ATRNL1: variants seen among roughly 807,000 people sequenced by gnomAD.
ATRNL1 encodes attractin-like protein 1.
A neutral mutation model predicts 182.7 loss-of-function variants in ATRNL1; 95 were observed. That is an observed-to-expected ratio of 0.52 (90% CI 0.44 to 0.62). The LOEUF (loss-of-function observed/expected upper bound fraction) is 0.62, where lower values mean the gene tolerates loss of function less well. Among genes scored for constraint, ATRNL1 ranks in the 20% least tolerant of loss-of-function variants. ATRNL1 has a pLI of 0.00. For synonymous variants in ATRNL1, 576 were observed against 568.3 expected (o/e 1.01, Z -0.19); for missense variants, 1,471 against 1,679.5 (o/e 0.88, Z 2.17).
In ATRNL1 at chr10:115,315,720, C is replaced by A; in HGVS notation, c.3021C>A (p.Ser1007=). 2 of 1,612,642 alleles carry A rather than the reference C, an allele frequency of 1.2e-6. No homozygotes were observed. Among genetic ancestry groups the A allele is most frequent in the Non-Finnish European group, 1.7e-6 (2 of 1,179,444 alleles). The change falls in exon 18 of 29, where the codon TCC becomes TCA. Residue 1007 remains serine (S), a synonymous_variant. Coordinates refer to ENST00000355044, the MANE Select transcript of ATRNL1 (RefSeq NM_207303.4). ...LCPKEKNYEW[S]FIQCPACQCN... is the part of the protein sequence containing the mutation. ...CCAAAGAAAAGAACTATGAGTGGTC[C>A]TTTATCCAGTGTCCAGGTAATAATA... is the stretch of plus-strand genomic sequence containing the variant.
intron 21 of ATRNL1, among the ~76,000 whole-genome samples, chr10:115,437,609 T>G (rs1554964987): frequency 6.6e-6 from 1 of 151,990 alleles, no homozygotes; most frequent in Non-Finnish European, 1.5e-5. Flanking sequence ...TGTTTAAATG[T>G]TTTTGGACTC....
intron 19 of ATRNL1, among the ~76,000 whole-genome samples, chr10:115,389,136 C>T (rs145198534): frequency 4.9e-4 from 74 of 152,042 alleles, no homozygotes; most frequent in African/African-American, 1.5e-3. Flanking sequence ...TTTTAGATCC[C>T]ACATATAATT....
chr10:115,510,684 G>A (rs1284161034), intron 24 of ATRNL1, among the ~76,000 whole-genome samples: 1 of 152,038 alleles, frequency 6.6e-6, no homozygotes, highest in African/African-American at 2.4e-5. Flanking sequence ...GCAGTAGTCT[G>A]TAACTAAACT....
At chr10:115,209,642 A>C (rs1288979287) in intron 8 of ATRNL1, among the ~76,000 whole-genome samples, 1 of 151,486 alleles carries the variant, frequency 6.6e-6, no homozygotes, top group Non-Finnish European at 1.5e-5. Context: ...CTTTTTTATA[A>C]ATTGAGAATA....
At chr10:115,176,028 T>G (rs61880806) in intron 8 of ATRNL1, among the ~76,000 whole-genome samples, 2 of 152,204 alleles carry the variant, frequency 1.3e-5, no homozygotes, top group East Asian at 3.9e-4. Flanking sequence ...GGTATCTCAT[T>G]GTGGTTTTGA....
intron 26 of ATRNL1, among the ~76,000 whole-genome samples, chr10:115,677,174 C>T (rs1945891017): frequency 6.6e-6 from 1 of 152,066 alleles, no homozygotes; most frequent in Non-Finnish European, 1.5e-5. Context: ...GATGTGTGTA[C>T]ATAGTCTCAT....
chr10:115,575,634 CTTTTTTA>C (rs1270801591), intron 26 of ATRNL1, among the ~76,000 whole-genome samples: 1 of 151,948 alleles, frequency 6.6e-6, no homozygotes, highest in Non-Finnish European at 1.5e-5. Context: ...TGCAAATATT[CTTTTTTA>C]TTTTTTATTT....
chr10:115,211,898 G>A (rs1416853789), intron 8 of ATRNL1, among the ~76,000 whole-genome samples: 13 of 151,898 alleles, frequency 8.6e-5, no homozygotes, highest in Admixed American at 3.9e-4. Flanking sequence ...TGGGATTATG[G>A]TGCTACAAAT....
At chr10:115,139,320 T>C (rs1845659707) in intron 5 of ATRNL1, among the ~76,000 whole-genome samples, 1 of 152,176 alleles carries the variant, frequency 6.6e-6, no homozygotes, top group South Asian at 2.1e-4. Context: ...CGCGCTCCAC[T>C]CTACTGGTAC....
chr10:115,348,998 T>C (rs1554940519), intron 19 of ATRNL1, among the ~76,000 whole-genome samples: 1 of 152,218 alleles, frequency 6.6e-6, no homozygotes. Flanking sequence ...TTTTGAAATA[T>C]ACAATAAATT....
intron 26 of ATRNL1, among the ~76,000 whole-genome samples, chr10:115,565,785 T>A (rs1854041622): frequency 6.6e-6 from 1 of 152,158 alleles, no homozygotes; most frequent in African/African-American, 2.4e-5. Flanking sequence ...TGATTATTTT[T>A]ATTATTTATT....
At chr10:115,208,041 T>A (rs1013313658) in intron 8 of ATRNL1, among the ~76,000 whole-genome samples, 15 of 152,070 alleles carry the variant, frequency 9.9e-5, no homozygotes, top group Admixed American at 9.2e-4. Context: ...ATGTGCTTCA[T>A]TTTGGACAGT....
intron 26 of ATRNL1, among the ~76,000 whole-genome samples, chr10:115,724,874 C>T (rs569211619): frequency 1.3e-5 from 2 of 152,208 alleles, no homozygotes; most frequent in Non-Finnish European, 2.9e-5. Context: ...GGCTATCACA[C>T]TAAAGCAAGA....
intron 28 of ATRNL1, among the ~76,000 whole-genome samples, chr10:115,903,898 T>C (rs1555114023): frequency 6.6e-6 from 1 of 152,112 alleles, no homozygotes; most frequent in Non-Finnish European, 1.5e-5. Flanking sequence ...CCCCTAAGAT[T>C]TTTTAGTGCG....
At chr10:115,618,312 A>G (rs1394108055) in intron 26 of ATRNL1, among the ~76,000 whole-genome samples, 1 of 152,046 alleles carries the variant, frequency 6.6e-6, no homozygotes, top group African/African-American at 2.4e-5. Flanking sequence ...TTTGAGTTCA[A>G]TTTACTTGGG....
intron 26 of ATRNL1, among the ~76,000 whole-genome samples, chr10:115,651,246 G>A (rs1859980163): frequency 6.7e-6 from 1 of 148,860 alleles, no homozygotes; most frequent in Non-Finnish European, 1.5e-5. Flanking sequence ...AGAGAACAAG[G>A]GCTACCTATT....
At chr10:115,726,855 G>GTTTT (rs10548508) in intron 26 of ATRNL1, among the ~76,000 whole-genome samples, 1 of 146,830 alleles carries the variant, frequency 6.8e-6, no homozygotes, top group Non-Finnish European at 1.5e-5. Context: ...TATTTTTACT[G>GTTTT]TTTTTTTTTT....
intron 26 of ATRNL1, among the ~76,000 whole-genome samples, chr10:115,616,590 G>A (rs1458267083): frequency 2.0e-5 from 3 of 152,160 alleles, no homozygotes; most frequent in Non-Finnish European, 4.4e-5. Context: ...AGGCCTAAGA[G>A]GAAAGAATGC....
At chr10:115,366,958 C>T (rs1857079058) in intron 19 of ATRNL1, among the ~76,000 whole-genome samples, 1 of 140,974 alleles carries the variant, frequency 7.1e-6, no homozygotes, top group African/African-American at 2.8e-5. Flanking sequence ...AACATTTTTT[C>T]CTTCATTTCA....
Sources: gnomAD v4.1 joint callset for allele counts (sites outside exome capture counted in the v4.1 genomes callset) on GRCh38, gnomAD v4.1.1 for gene constraint, MANE v1.5 for transcripts, NCBI Gene and HGNC (gene_info 2026-07-23, HGNC 2026-07-21) for gene names.